The following LINGO2 variants were observed in gnomAD, a reference collection of about 807,000 sequenced individuals.
LINGO2 encodes leucine-rich repeat and immunoglobulin-like domain-containing nogo receptor-interacting protein 2.
In LINGO2, 14 loss-of-function variants were observed where a neutral mutation model predicts 30.6. That is an observed-to-expected ratio of 0.46 (90% CI 0.30 to 0.72). LINGO2 has a LOEUF of 0.72. LINGO2 is among the 30% of genes least tolerant of loss of function. LINGO2 has a pLI of 0.07. For missense variants in LINGO2, 729 were observed against 751.7 expected, an observed-to-expected ratio of 0.97 and a Z score of 0.35; for synonymous variants, 317 against 288.5, an observed-to-expected ratio of 1.10 and a Z score of -1.00.
intron 4 of LINGO2, among the ~76,000 whole-genome samples, chr9:28,242,848 C>G (rs1198932027): frequency 1.3e-5 from 2 of 152,156 alleles, no homozygotes; most frequent in Non-Finnish European, 2.9e-5. Context: ...AATTTTCAAC[C>G]TGGAATTTCA....
chr9:28,450,746 T>C (rs1056986273), intron 2 of LINGO2, among the ~76,000 whole-genome samples: 3 of 152,046 alleles, frequency 2.0e-5, no homozygotes, highest in Non-Finnish European at 2.9e-5. Flanking sequence ...AGTATGACTA[T>C]TAAAAACATA....
rs542213365 is a variant in LINGO2 at position 28,602,010 on chromosome 9, C to A, written c.-365+68190G>T. On this transcript the variant is annotated intron_variant, in intron 1 of 5. Transcript: ENST00000379992. The stretch of plus-strand genomic sequence containing the variant: ...AGGTTGCATTCTCAAGAAACAGATT[C>A]TAAAGTACGGATTTGACTAATTTAT... Among the ~76,000 whole-genome samples, 3 of 152,120 alleles carry A rather than the reference C, an allele frequency of 2.0e-5. No homozygotes were observed. The East Asian group carries it at 5.8e-4, about 29-fold the overall frequency.
intron 1 of LINGO2, among the ~76,000 whole-genome samples, chr9:28,520,093 T>G (rs534480021): frequency 1.3e-5 from 2 of 152,320 alleles, no homozygotes; most frequent in South Asian, 2.1e-4. Flanking sequence ...TCATTTGGGT[T>G]TTCAACATAA....
chr9:28,802,386 A>C, the LINGO2 span, among the ~76,000 whole-genome samples: 1 of 152,086 alleles, frequency 6.6e-6, no homozygotes, highest in Non-Finnish European at 1.5e-5. Context: ...TTAATCTGTA[A>C]GATGAGCAGT....
chr9:28,964,857 A>G, the LINGO2 span, among the ~76,000 whole-genome samples: 1 of 151,948 alleles, frequency 6.6e-6, no homozygotes, highest in Non-Finnish European at 1.5e-5. Flanking sequence ...AACTATGCGC[A>G]TGGGATGGTC....
At chr9:28,044,053 T>C (rs1322482646) in intron 4 of LINGO2, among the ~76,000 whole-genome samples, 2 of 152,242 alleles carry the variant, frequency 1.3e-5, no homozygotes, top group Non-Finnish European at 2.9e-5. Context: ...CTAGCAGTTT[T>C]AGATCTGTCT....
chr9:28,101,284 A>G (rs1040279578), intron 4 of LINGO2, among the ~76,000 whole-genome samples: 2 of 152,056 alleles, frequency 1.3e-5, no homozygotes, highest in African/African-American at 4.8e-5. Context: ...TTGAGTATAC[A>G]GCTCCAGTTT....
At chr9:29,166,527 G>T in the LINGO2 span, among the ~76,000 whole-genome samples, 1 of 152,182 alleles carries the variant, frequency 6.6e-6, no homozygotes, top group Admixed American at 6.5e-5. Flanking sequence ...TCTTACAGAT[G>T]AAAAACTAGT....
chr9:28,234,212 A>G (rs1171268269), intron 4 of LINGO2, among the ~76,000 whole-genome samples: 1 of 152,100 alleles, frequency 6.6e-6, no homozygotes, highest in African/African-American at 2.4e-5. Context: ...CACTGCCCTG[A>G]AGGCCGAGTT....
At chr9:29,188,898 T>C in the LINGO2 span, among the ~76,000 whole-genome samples, 2 of 137,238 alleles carry the variant, frequency 1.5e-5, no homozygotes, top group East Asian at 4.7e-4. Flanking sequence ...CACTTCCCAG[T>C]AGGGGTGGCC....
chr9:28,230,346 T>C (rs188886283), intron 4 of LINGO2, among the ~76,000 whole-genome samples: 8 of 152,010 alleles, frequency 5.3e-5, no homozygotes, highest in African/African-American at 1.9e-4. Context: ...AAAGCTAGAA[T>C]CAGATGTAAT....
chr9:28,530,863 C>A (rs1821207931), intron 1 of LINGO2, among the ~76,000 whole-genome samples: 1 of 151,884 alleles, frequency 6.6e-6, no homozygotes, highest in South Asian at 2.1e-4. Flanking sequence ...TGAAAAACAT[C>A]TTTTTCTGCA....
chr9:28,392,853 C>A (rs1821893691), intron 2 of LINGO2, among the ~76,000 whole-genome samples: 1 of 152,200 alleles, frequency 6.6e-6, no homozygotes. Flanking sequence ...AGGCCAGAAG[C>A]TGCAGACAAA....
At chr9:28,558,579 T>G (rs537115896) in intron 1 of LINGO2, among the ~76,000 whole-genome samples, 16 of 152,170 alleles carry the variant, frequency 1.1e-4, no homozygotes, top group African/African-American at 3.4e-4. Flanking sequence ...GTCTAACTGT[T>G]CAAGAGACTC....
At chr9:29,160,790 T>C in the LINGO2 span, among the ~76,000 whole-genome samples, 1 of 152,214 alleles carries the variant, frequency 6.6e-6, no homozygotes, top group South Asian at 2.1e-4. Context: ...ATAAGGTATA[T>C]GGGTGTGCTT....
intron 4 of LINGO2, among the ~76,000 whole-genome samples, chr9:28,168,340 C>T (rs894439621): frequency 3.9e-5 from 6 of 152,090 alleles, no homozygotes; most frequent in African/African-American, 4.8e-5. Context: ...TGATGCCTAC[C>T]GTAGGGCTCT....
the LINGO2 span, among the ~76,000 whole-genome samples, chr9:28,739,288 T>C: frequency 6.6e-6 from 1 of 151,880 alleles, no homozygotes; most frequent in African/African-American, 2.4e-5. Flanking sequence ...TTTGAGCTTA[T>C]TTAATGAGAA....
chr9:28,580,879 A>G (rs1824225475), intron 1 of LINGO2, among the ~76,000 whole-genome samples: 1 of 151,998 alleles, frequency 6.6e-6, no homozygotes, highest in Non-Finnish European at 1.5e-5. Context: ...AGTAGTGGGT[A>G]AGTATTTTCC....
the LINGO2 span, among the ~76,000 whole-genome samples, chr9:28,797,392 A>AGAGAGAGAGAGAGG: frequency 6.8e-6 from 1 of 146,138 alleles, no homozygotes; most frequent in Admixed American, 6.9e-5. Flanking sequence ...AGAGAGAGAG[A>AGAGAGAGAGAGAGG]GAGAAAGCCT....
Sources: gnomAD v4.1 joint callset for allele counts (sites outside exome capture counted in the v4.1 genomes callset) on GRCh38, gnomAD v4.1.1 for gene constraint, MANE v1.5 for transcripts, NCBI Gene and HGNC (gene_info 2026-07-23, HGNC 2026-07-21) for gene names.